The following IGF1R variants were observed in gnomAD, a reference collection of about 807,000 sequenced individuals.
IGF1R encodes the protein insulin-like growth factor 1 receptor.
Under a neutral mutation model 144.6 loss-of-function variants are expected in IGF1R, and 44 were observed. That is an observed-to-expected ratio of 0.30 (90% confidence interval 0.24 to 0.39). The LOEUF (loss-of-function observed/expected upper bound fraction) is 0.39. Among genes scored for constraint, IGF1R ranks in the 10% least tolerant of loss-of-function variants. The probability of loss-of-function intolerance (pLI) is 1.00; values close to 1 mark genes in which losing one functional copy is unlikely to be tolerated. For missense variants in IGF1R, 1,355 were observed against 1,833.7 expected (o/e 0.74, Z 4.77); for synonymous variants, 795 against 722.8 (o/e 1.10, Z -1.60).
At chr15:98,872,563 G>A (rs1228905670) in intron 2 of IGF1R, among the ~76,000 whole-genome samples, 3 of 152,166 alleles carry the variant, frequency 2.0e-5, no homozygotes, top group African/African-American at 7.2e-5. Flanking sequence ...CCTAAGATCC[G>A]CCAGGAGACA....
intron 1 of IGF1R, among the ~76,000 whole-genome samples, chr15:98,675,191 G>A (rs2053005063): frequency 6.6e-6 from 1 of 152,026 alleles, no homozygotes; most frequent in African/African-American, 2.4e-5. Flanking sequence ...GTTTCACCAT[G>A]TTGGCCAGGC....
At chr15:98,873,926 T>G (rs1015602993) in intron 2 of IGF1R, 1 of 152,230 alleles carries the variant, frequency 6.6e-6, no homozygotes, top group African/African-American at 2.4e-5. Context: ...GTAGATAATC[T>G]TTTCCCTAAA....
rs576203772 is a variant in IGF1R, at chr15:98,932,958, A to G, written c.2957-1866A>G. ...TTTGAGACATCACTTAAAGGTTGATAGTTGGGATATGGAGATGTTAGGATA... is the reference window on the plus strand; with the variant it reads ...TTTGAGACATCACTTAAAGGTTGATGGTTGGGATATGGAGATGTTAGGATA... On this transcript the variant is annotated intron_variant, in intron 15 of 20. Transcript: ENST00000650285. Among the ~76,000 whole-genome samples the G allele has an allele frequency of 4.6e-5, 7 of 152,366 alleles. No individual in the cohort carries two copies. In the East Asian group the frequency reaches 1.2e-3, roughly 25 times the overall value.
At chr15:98,927,776 AGTC>A (rs982961834) in intron 13 of IGF1R, among the ~76,000 whole-genome samples, 10 of 152,258 alleles carry the variant, frequency 6.6e-5, no homozygotes, top group African/African-American at 2.2e-4. Context: ...TAGCTGTAGT[AGTC>A]TTTAAAGAGT....
chr15:98,900,982 T>TA (rs2014453277), intron 5 of IGF1R, among the ~76,000 whole-genome samples: 1 of 152,246 alleles, frequency 6.6e-6, no homozygotes. Flanking sequence ...GAGGAGAGTT[T>TA]AATTAATTTC....
intron 1 of IGF1R, among the ~76,000 whole-genome samples, chr15:98,650,698 G>C (rs769317607): frequency 3.5e-4 from 53 of 152,236 alleles, no homozygotes; most frequent in Admixed American, 5.2e-4. Context: ...CAGGGTCTGC[G>C]GCGGCGCGGG....
rs1257376479 is a variant in IGF1R, at chr15:98,935,228, G to C, written c.3187-88G>C. The C allele has an allele frequency of 7.9e-6, 8 of 1,016,080 alleles. No individual in the cohort carries two copies. In the Admixed American group the frequency reaches 1.6e-4, roughly 20 times the overall value. The allele number at this position is 1,016,080 out of a possible 1,614,324, so 62.9% of individuals were successfully genotyped here. ...CAGACCCCTGTGCTCAGACCAGGCC[G>C]CAGCACCACAGAGACAGTTCCAGAC... is the stretch of plus-strand genomic sequence containing the variant. On this transcript the variant is annotated intron_variant, in intron 16 of 20. Coordinates refer to ENST00000650285, the MANE Select transcript of IGF1R (RefSeq NM_000875.5). The surrounding 1 kb of genome is among the most constrained non-coding windows in gnomAD (Gnocchi z 4.2).
chr15:98,704,322 G>T lies in IGF1R; in HGVS notation c.95-3240G>T, dbSNP rs1245550775. ...TAAGGTGTTTAGGCAGAGCTCTGAG[G>T]AGGTGACGTTTGAGTGGAGACCCAG... On this transcript the variant is annotated intron_variant, in intron 1 of 20. Transcript: ENST00000650285. The surrounding 1 kb of genome is among the most constrained non-coding windows in gnomAD (Gnocchi z 4.9). Among the ~76,000 whole-genome samples, 1 of 152,152 alleles carries T rather than the reference G, an allele frequency of 6.6e-6. No homozygotes were observed. The highest frequency in any genetic ancestry group is 1.5e-5 in the Non-Finnish European group (1 of 68,034).
intron 2 of IGF1R, among the ~76,000 whole-genome samples, chr15:98,885,832 T>TGGGGGG (rs2013614503): frequency 4.0e-5 from 6 of 151,370 alleles, no homozygotes; most frequent in African/African-American, 1.5e-4. Context: ...TTTTTTTTTT[T>TGGGGGG]GGAGATAGAG....
intron 7 of IGF1R, 36 bp from the exon 8 acceptor site, chr15:98,913,007 GA>G: frequency 6.8e-7 from 1 of 1,477,130 alleles, no homozygotes; most frequent in African/African-American, 1.4e-5. Flanking sequence ...TTTGATGTCA[GA>G]GCCCCGAACT....
At chr15:98,661,951 G>A (rs12899533) in intron 1 of IGF1R, among the ~76,000 whole-genome samples, 42,578 of 131,702 alleles carry the variant, frequency 0.32, 7,901 homozygotes, top group Non-Finnish European at 0.4. Flanking sequence ...CAGTTGAATA[G>A]GGCCCTTTTT....
In IGF1R at chr15:98,653,274, T is replaced by C. The variant is rs74599491; in HGVS notation, c.94+3599T>C. Among the ~76,000 whole-genome samples, 1,093 of 152,276 alleles carry C rather than the reference T, an allele frequency of 7.2e-3. 7 individuals carry two copies. The highest frequency in any genetic ancestry group is 0.011 in the Non-Finnish European group (747 of 68,006). On this transcript the variant is annotated intron_variant, in intron 1 of 20. Transcript: ENST00000650285. Reference sequence around the variant, plus strand: ...ACCTCAGCTGAATCTGAAATGATGGTTTTTTTCAGGATAGAGTTTAGGAGC... The same window carrying C: ...ACCTCAGCTGAATCTGAAATGATGGCTTTTTTCAGGATAGAGTTTAGGAGC...
At position 98,962,380 on chromosome 15, in the gene IGF1R, G is replaced by C. The variant is rs552575304; in HGVS notation, c.*4938G>C. 2.1e-5 allele frequency: 5 copies of C among 233,678 alleles called. No homozygotes were observed. Among genetic ancestry groups the C allele is most frequent in the Non-Finnish European group, 4.2e-5 (5 of 118,074 alleles). The allele number at this position is 233,678 out of a possible 1,614,324, so 14.5% of individuals were successfully genotyped here. Reference sequence around the variant, plus strand: ...TTCATTTCCTGGGCTAAGCAGCATTGGGAGATGTGGACCAGAGATCCACTC... The same window carrying C: ...TTCATTTCCTGGGCTAAGCAGCATTCGGAGATGTGGACCAGAGATCCACTC... On this transcript the variant is annotated 3_prime_UTR_variant, in exon 21 of 21. Coordinates refer to ENST00000650285, the MANE Select transcript of IGF1R (RefSeq NM_000875.5).
rs1310831278 is a variant in IGF1R, at chr15:98,704,971, C to T, written c.95-2591C>T. ...GTGAGCAACTCAGAGAATGAGAGTG[C>T]TGCAGTTTACAAGCTTGGAAGGTGG... On this transcript the variant is annotated intron_variant, in intron 1 of 20. Coordinates refer to ENST00000650285, the MANE Select transcript of IGF1R (RefSeq NM_000875.5). The surrounding 1 kb of genome is among the most constrained non-coding windows in gnomAD (Gnocchi z 4.9). 2.0e-5 allele frequency among the ~76,000 whole-genome samples: 3 copies of T among 152,102 alleles called. No individual in the cohort carries two copies. Among genetic ancestry groups the T allele is most frequent in the Non-Finnish European group, 4.4e-5 (3 of 68,014 alleles).
At chr15:98,775,347 G>C (rs899053336) in intron 2 of IGF1R, among the ~76,000 whole-genome samples, 1 of 152,114 alleles carries the variant, frequency 6.6e-6, no homozygotes, top group Admixed American at 6.5e-5. Flanking sequence ...GAGCTTTGAC[G>C]ATTCCAAAGC....
At chr15:98,835,111 C>A (rs1285843335) in intron 2 of IGF1R, among the ~76,000 whole-genome samples, 27 of 136,024 alleles carry the variant, frequency 2.0e-4, no homozygotes, top group African/African-American at 7.8e-4. Context: ...ACACACACAC[C>A]CCTACACCCA....
At chr15:98,726,880 C>T (rs1256130079) in intron 2 of IGF1R, among the ~76,000 whole-genome samples, 14 of 152,044 alleles carry the variant, frequency 9.2e-5, no homozygotes, top group Admixed American at 7.2e-4. Context: ...TCACCATGCC[C>T]GGCTAATTTT....
chr15:98,815,052 TTA>T (rs929576147), intron 2 of IGF1R, among the ~76,000 whole-genome samples: 39 of 152,350 alleles, frequency 2.6e-4, no homozygotes, highest in African/African-American at 9.1e-4. Context: ...GTACAAAAAT[TTA>T]TGCGTTTGTT....
At position 98,808,085 on chromosome 15, in the gene IGF1R, T is replaced by A. The variant is rs114591242; in HGVS notation, c.641-83240T>A. Reference sequence around the variant, plus strand: ...CACATCCATGTTGTTTGGGAATTGTTTGGGAAAGGTACGTGGGATAGCCTG... The same window carrying A: ...CACATCCATGTTGTTTGGGAATTGTATGGGAAAGGTACGTGGGATAGCCTG... On this transcript the variant is annotated intron_variant, in intron 2 of 20. Transcript: ENST00000650285. Among the ~76,000 whole-genome samples, 1,215 of 152,248 alleles carry A rather than the reference T, an allele frequency of 8.0e-3. 15 individuals are homozygous for A. Among genetic ancestry groups the A allele is most frequent in the African/African-American group, 0.027 (1,142 of 41,532 alleles).
Sources: gnomAD v4.1 joint callset for allele counts (sites outside exome capture counted in the v4.1 genomes callset) on GRCh38, gnomAD v4.1.1 for gene constraint, Gnocchi (gnomAD v3.1) non-coding constraint, MANE v1.5 for transcripts, NCBI Gene and HGNC (gene_info 2026-07-23, HGNC 2026-07-21) for gene names.